ZFHX4: variants seen among roughly 807,000 people sequenced by gnomAD.
The protein encoded by ZFHX4 is zinc finger homeobox 4.
A neutral mutation model predicts 267.6 loss-of-function variants in ZFHX4; 56 were observed. The observed-to-expected ratio is 0.21, with a 90% CI of 0.17 to 0.26. The LOEUF is 0.26. Among genes scored for constraint, ZFHX4 ranks in the 10% least tolerant of loss-of-function variants. The pLI, the probability that ZFHX4 is intolerant of heterozygous loss-of-function variation, is 1.00. For synonymous variants in ZFHX4, 1,778 were observed against 1,665.6 expected, an observed-to-expected ratio of 1.07 and a Z score of -1.64; for missense variants, 4,332 against 4,420.0, an observed-to-expected ratio of 0.98 and a Z score of 0.56.
In ZFHX4 at chr8:76,850,420, G is replaced by T. The variant is rs201770828; in HGVS notation, c.3964+58G>T. Reference sequence around the variant, plus strand: ...ATACGCTTAGGGGCTTTGCATTTGTGGTGGTGCCCAAAGATTATTACTATC... The same window carrying T: ...ATACGCTTAGGGGCTTTGCATTTGTTGTGGTGCCCAAAGATTATTACTATC... On this transcript the variant is annotated intron_variant, in intron 9 of 10. Coordinates refer to ENST00000651372, the MANE Select transcript of ZFHX4 (RefSeq NM_024721.5). The T allele has an allele frequency of 4.5e-4, 615 of 1,361,056 alleles. 1 individual carries two copies. Among genetic ancestry groups the T allele is most frequent in the South Asian group, 3.7e-3 (288 of 76,806 alleles). 84.3% of individuals were successfully genotyped at this position (1,361,056 alleles called of 1,614,324 possible). A position where few individuals can be genotyped will look rare whatever the true frequency, so the allele number is the denominator to read the frequency against.
At position 76,681,330 on chromosome 8, in the gene ZFHX4, T is replaced by C. The variant is rs1298421996; in HGVS notation, c.-337T>C. 5 of 398,776 alleles carry C rather than the reference T, an allele frequency of 1.3e-5. No homozygotes were observed. The highest frequency in any genetic ancestry group is 2.2e-5 in the Non-Finnish European group (5 of 226,034). The allele number at this position is 398,776 out of a possible 1,614,324, so 24.7% of individuals were successfully genotyped here. On this transcript the variant is annotated 5_prime_UTR_variant, in exon 1 of 11. Transcript: ENST00000651372. ...TAATAATTAGCAGAATAAAGACATA[T>C]CGGATTTTCATTTCCTTTCCTCCTT...
At position 76,850,247 on chromosome 8, in the gene ZFHX4, G is replaced by A; in HGVS notation, c.3849G>A (p.Val1283=). The part of the protein sequence containing the change: ...PDCVEKLLMT[V]PVPDVMMPNS... ...ATAAACCCCTTTGGTTTCCAAAGGT[G>A]CCTGTCCCTGATGTGATGATGCCAA... Residue 1283 remains valine (V), a splice_region_variant and synonymous_variant, in exon 9 of 11, where the codon GTG becomes GTA. Transcript: ENST00000651372. 1 of 1,611,290 alleles carries A rather than the reference G, an allele frequency of 6.2e-7. No homozygotes were observed. The highest frequency in any genetic ancestry group is 8.5e-7 in the Non-Finnish European group (1 of 1,178,866).
chr8:76,691,773 A>T (rs763626507), intron 1 of ZFHX4, among the ~76,000 whole-genome samples: 1 of 152,086 alleles, frequency 6.6e-6, no homozygotes, highest in Non-Finnish European at 1.5e-5. Context: ...AAGTGTTGTG[A>T]ACATTAAAAT....
At chr8:76,713,253 GTCAA>G (rs915313668) in intron 3 of ZFHX4, among the ~76,000 whole-genome samples, 22 of 150,206 alleles carry the variant, frequency 1.5e-4, no homozygotes, top group Admixed American at 6.0e-4. Flanking sequence ...CGAAAAATCT[GTCAA>G]TCAAAGGATA....
chr8:76,813,699 A>T (rs1228589057), intron 4 of ZFHX4, among the ~76,000 whole-genome samples: 1 of 151,586 alleles, frequency 6.6e-6, no homozygotes, highest in Non-Finnish European at 1.5e-5. Context: ...GAAACAATGG[A>T]TGTTCTCCTG....
At chr8:76,848,293 T>C (rs1812415982) in intron 6 of ZFHX4, among the ~76,000 whole-genome samples, 1 of 152,220 alleles carries the variant, frequency 6.6e-6, no homozygotes, top group South Asian at 2.1e-4. Flanking sequence ...TTCTTTGATG[T>C]ATATGAGGCT....
chr8:76,856,025 T>A lies in ZFHX4; in HGVS notation c.9104T>A (p.Val3035Glu), dbSNP rs1403655480. 4 of 1,613,760 alleles carry A rather than the reference T, an allele frequency of 2.5e-6. No individual in the cohort carries two copies. The highest frequency in any genetic ancestry group is 1.3e-5 in the African/African-American group (1 of 74,890). ...HIFSKQHISKVRETVGSQLDR... is the reference protein window; with the variant it reads ...HIFSKQHISKERETVGSQLDR... The stretch of plus-strand genomic sequence containing the variant: ...TTCTCCAAACAGCACATTTCAAAAG[T>A]GAGGGAGACCGTTGGCAGTCAGCTC... The change falls in exon 10 of 11, where the codon GTG (valine) becomes GAG (glutamate). Residue 3035 changes from valine (V) to glutamate (E), a missense_variant. Val to Glu is a moderately radical substitution (Grantham distance 121, BLOSUM62 -2). Around this residue, in one of 7 missense-constraint regions of ZFHX4, gnomAD observed 1,648 missense variants for 1,625.0 expected, o/e 1.01. Transcript: ENST00000651372.
rs147254076 is a variant in ZFHX4 at position 76,866,953 on chromosome 8, C to A, written c.*2388C>A. The A allele has an allele frequency of 6.6e-6, 1 of 152,564 alleles. No individual in the cohort carries two copies. The highest frequency in any genetic ancestry group is 1.5e-5 in the Non-Finnish European group (1 of 68,016). 9.5% of individuals were successfully genotyped at this position (152,564 alleles called of 1,614,324 possible). On this transcript the variant is annotated 3_prime_UTR_variant, in exon 11 of 11. Transcript: ENST00000651372. ...TTGTCTACACAACATGTACTCTCAA[C>A]GCCTGGGTTACATAGGAAATGCACC...
chr8:76,847,697 A>G (rs1385093276), intron 6 of ZFHX4, among the ~76,000 whole-genome samples: 1 of 152,148 alleles, frequency 6.6e-6, no homozygotes, highest in Non-Finnish European at 1.5e-5. Context: ...CTTATAAGGT[A>G]TAAAACATGC....
chr8:76,860,815 A>G (rs1812846065), intron 10 of ZFHX4, among the ~76,000 whole-genome samples: 2 of 152,176 alleles, frequency 1.3e-5, no homozygotes, highest in South Asian at 2.1e-4. Flanking sequence ...ATATCATAGC[A>G]GGAAGAAACC....
At chr8:76,720,824 GCTA>G (rs1359262606) in intron 3 of ZFHX4, among the ~76,000 whole-genome samples, 9 of 152,100 alleles carry the variant, frequency 5.9e-5, no homozygotes, top group African/African-American at 2.2e-4. Context: ...TATTAGATTA[GCTA>G]CTATTATTAT....
At position 76,853,800 on chromosome 8, in the gene ZFHX4, T is replaced by C. The variant is rs1401491677; in HGVS notation, c.6879T>C (p.Asp2293=). ...KSYENQAETK[D]NEKRELTNER... ...ATGAGAATCAAGCAGAAACAAAAGATAATGAAAAAAGAGAACTCACTAATG... is the reference window on the plus strand; with the variant it reads ...ATGAGAATCAAGCAGAAACAAAAGACAATGAAAAAAGAGAACTCACTAATG... The change falls in exon 10 of 11, where the codon GAT becomes GAC. Residue 2293 remains aspartate, a synonymous_variant. Coordinates refer to ENST00000651372, the MANE Select transcript of ZFHX4 (RefSeq NM_024721.5). 2.5e-6 allele frequency: 4 copies of C among 1,613,404 alleles called. No homozygotes were observed. Among genetic ancestry groups the C allele is most frequent in the Non-Finnish European group, 3.4e-6 (4 of 1,179,756 alleles).
intron 10 of ZFHX4, among the ~76,000 whole-genome samples, chr8:76,856,927 C>A (rs1281375030): frequency 6.6e-6 from 1 of 152,130 alleles, no homozygotes; most frequent in African/African-American, 2.4e-5. Context: ...TTGTAACATG[C>A]ATTGCTACTT....
At chr8:76,741,313 T>C (rs1470726288) in intron 3 of ZFHX4, among the ~76,000 whole-genome samples, 1 of 152,206 alleles carries the variant, frequency 6.6e-6, no homozygotes, top group Non-Finnish European at 1.5e-5. Flanking sequence ...GAGATCTATG[T>C]GTTTAAATTC....
intron 10 of ZFHX4, among the ~76,000 whole-genome samples, chr8:76,862,416 TAACA>T (rs1812895116): frequency 6.6e-6 from 1 of 152,200 alleles, no homozygotes; most frequent in African/African-American, 2.4e-5. Context: ...GTCAGGATGG[TAACA>T]AACAACTTAA....
chr8:76,731,101 C>A (rs1014745276), intron 3 of ZFHX4, among the ~76,000 whole-genome samples: 11 of 152,156 alleles, frequency 7.2e-5, no homozygotes, highest in African/African-American at 2.4e-4. Context: ...CGCTACCCAT[C>A]TGGGGCCCAT....
intron 3 of ZFHX4, among the ~76,000 whole-genome samples, chr8:76,713,893 C>T (rs1808496270): frequency 6.6e-6 from 1 of 151,952 alleles, no homozygotes; most frequent in African/African-American, 2.4e-5. Flanking sequence ...CCTGAACACA[C>T]ACACACACAC....
chr8:76,744,152 C>A (rs1192266846), intron 3 of ZFHX4, among the ~76,000 whole-genome samples: 1 of 151,960 alleles, frequency 6.6e-6, no homozygotes, highest in African/African-American at 2.4e-5. Flanking sequence ...TCGAGACCAG[C>A]CTGACCAATA....
chr8:76,748,020 C>A (rs1451095334), intron 3 of ZFHX4, among the ~76,000 whole-genome samples: 1 of 152,156 alleles, frequency 6.6e-6, no homozygotes, highest in African/African-American at 2.4e-5. Flanking sequence ...CTTAAAATGT[C>A]ATTTTTACTC....
Sources: gnomAD v4.1 joint callset for allele counts (sites outside exome capture counted in the v4.1 genomes callset) on GRCh38, gnomAD v4.1.1 for gene constraint, gnomAD v4.1.1 regional missense constraint, MANE v1.5 for transcripts, NCBI Gene and HGNC (gene_info 2026-07-23, HGNC 2026-07-21) for gene names.